Variants in PSME4 observed in about 807,000 individuals in gnomAD.
The protein encoded by PSME4 is proteasome activator subunit 4, also known as proteasome activator complex subunit 4.
In PSME4, 89 loss-of-function variants were observed where a neutral mutation model predicts 253.9. The ratio of observed to expected loss-of-function variants is 0.35; its 90% CI spans 0.30 to 0.42. The LOEUF (loss-of-function observed/expected upper bound fraction) is 0.42, where lower values mean the gene tolerates loss of function less well. Ranked by LOEUF, PSME4 falls within the 10% of genes least tolerant of loss-of-function variation. PSME4 has a pLI of 1.00. For missense variants in PSME4, 2,014 were observed against 2,195.2 expected, an observed-to-expected ratio of 0.92 and a Z score of 1.65; for synonymous variants, 851 against 759.2, an observed-to-expected ratio of 1.12 and a Z score of -1.99.
chr2:53,905,756 A>G (rs1314890665), intron 26 of PSME4, among the ~76,000 whole-genome samples: 4 of 152,162 alleles, frequency 2.6e-5, no homozygotes, highest in African/African-American at 9.7e-5. Flanking sequence ...GTTCAAGGCT[A>G]CAGTGGGCTG....
intron 22 of PSME4, 70 bp from the exon 23 acceptor site, chr2:53,908,635 G>C: frequency 6.6e-7 from 1 of 1,507,836 alleles, no homozygotes; most frequent in East Asian, 2.3e-5. Flanking sequence ...TGAGGCATTA[G>C]TCAAGAATCT....
intron 3 of PSME4, among the ~76,000 whole-genome samples, chr2:53,946,786 C>T (rs1056391450): frequency 6.6e-6 from 1 of 151,952 alleles, no homozygotes; most frequent in South Asian, 2.1e-4. Context: ...TGGTGGCACA[C>T]GCCTGTGGTC....
intron 32 of PSME4, 66 bp downstream of exon 32, chr2:53,896,738 T>C (rs1680154703): frequency 1.1e-5 from 14 of 1,231,892 alleles, no homozygotes; most frequent in African/African-American, 1.5e-5. Context: ...CTAGAATTTA[T>C]ACATGTCAAG....
intron 1 of PSME4, among the ~76,000 whole-genome samples, chr2:53,962,864 C>T (rs965351770): frequency 6.6e-5 from 10 of 151,848 alleles, no homozygotes; most frequent in Non-Finnish European, 1.0e-4. Flanking sequence ...CAGAAAAATT[C>T]GCCAGGCATG....
chr2:53,902,350 C>G (rs1680442518), intron 27 of PSME4, among the ~76,000 whole-genome samples: 1 of 152,134 alleles, frequency 6.6e-6, no homozygotes, highest in Non-Finnish European at 1.5e-5. Context: ...CACAATGATT[C>G]TGATGACAGC....
chr2:53,903,753 A>G (rs1337709074), intron 27 of PSME4, among the ~76,000 whole-genome samples: 1 of 152,194 alleles, frequency 6.6e-6, no homozygotes, highest in Non-Finnish European at 1.5e-5. Flanking sequence ...CATAATACTG[A>G]TCACAAACAG....
chr2:53,898,433 G>C (rs951563200), intron 29 of PSME4, 79 bp from the exon 30 acceptor site: 10 of 1,173,810 alleles, frequency 8.5e-6, no homozygotes, highest in Non-Finnish European at 1.2e-5. Context: ...TCAAATTCTA[G>C]CCAATTTCAC....
intron 21 of PSME4, among the ~76,000 whole-genome samples, chr2:53,909,872 G>A (rs1407455972): frequency 5.3e-5 from 8 of 152,116 alleles, no homozygotes; most frequent in African/African-American, 1.4e-4. Flanking sequence ...TGGAGCAGGA[G>A]AATCGTTTGA....
Position 53,925,777 on chromosome 2 carries a change from A to G in PSME4, c.1659-88T>C. On this transcript the variant is annotated intron_variant, in intron 13 of 46. Coordinates refer to ENST00000404125, the MANE Select transcript of PSME4 (RefSeq NM_014614.3). ...CATCAGGTAACTCTCTATTGTCCTAATTATTCAAGTGATAGCTACTTAATT... is the reference window on the plus strand; with the variant it reads ...CATCAGGTAACTCTCTATTGTCCTAGTTATTCAAGTGATAGCTACTTAATT... The G allele has an allele frequency of 2.9e-6, 4 of 1,379,428 alleles. No homozygotes were observed. In the South Asian group the frequency reaches 5.1e-5, roughly 18 times the overall value. The allele number at this position is 1,379,428 out of a possible 1,614,324, so 85.4% of individuals were successfully genotyped here.
intron 1 of PSME4, among the ~76,000 whole-genome samples, chr2:53,966,513 A>G (rs1422513291): frequency 6.6e-6 from 1 of 151,844 alleles, no homozygotes; most frequent in Non-Finnish European, 1.5e-5. Context: ...AATACAAAAA[A>G]ATTAGCCAGG....
At chr2:53,867,653 G>C (rs1481318607) in intron 44 of PSME4, among the ~76,000 whole-genome samples, 1 of 136,274 alleles carries the variant, frequency 7.3e-6, no homozygotes, top group Non-Finnish European at 1.5e-5. Context: ...GAGGGCGATA[G>C]AGGAAGACCT....
chr2:53,906,513 A>C, intron 26 of PSME4, 85 bp downstream of exon 26: 1 of 1,405,934 alleles, frequency 7.1e-7, no homozygotes, highest in East Asian at 2.5e-5. Context: ...GAAATTATTT[A>C]AACTCTCTTC....
At chr2:53,925,778 T>A in intron 13 of PSME4, 89 bp from the exon 14 acceptor site, 1 of 1,377,560 alleles carries the variant, frequency 7.3e-7, no homozygotes, top group South Asian at 1.3e-5. Flanking sequence ...ATTGTCCTAA[T>A]TATTCAAGTG....
At chr2:53,902,330 T>C (rs1233645543) in intron 27 of PSME4, among the ~76,000 whole-genome samples, 5 of 152,160 alleles carry the variant, frequency 3.3e-5, no homozygotes, top group Non-Finnish European at 5.9e-5. Flanking sequence ...CTCATAAAAG[T>C]CCAATTAACC....
Position 53,869,478 on chromosome 2 carries a change from C to A in PSME4, c.5161G>T (p.Asp1721Tyr). Residue 1721 changes from aspartate (D) to tyrosine (Y), a missense_variant, in exon 44 of 47, where the codon GAC becomes TAC. Transcript: ENST00000404125. ...TCAAAATGAATCTGCATAGGACTGT[C>A]CATGGTAAGAAAGTTACACTGTAGC... ...GLLQCNFLTM[D>Y]SPMQIHFEQL... 6.3e-7 allele frequency: 1 copy of A among 1,597,382 alleles called. No individual in the cohort carries two copies. Among genetic ancestry groups the A allele is most frequent in the Non-Finnish European group, 8.6e-7 (1 of 1,168,394 alleles).
intron 11 of PSME4, 47 bp downstream of exon 11, chr2:53,928,070 T>C: frequency 6.8e-7 from 1 of 1,471,186 alleles, no homozygotes; most frequent in South Asian, 1.3e-5. Flanking sequence ...AGAAGTTTAC[T>C]TTGCCTCCTA....
chr2:53,888,938 G>T, intron 37 of PSME4, 126 bp from the exon 38 acceptor site: 2 of 707,526 alleles, frequency 2.8e-6, no homozygotes, highest in Non-Finnish European at 4.5e-6. Context: ...AGGCTGGAGT[G>T]AAGTGGTATG....
Position 53,927,501 on chromosome 2 carries a change from G to C in PSME4, c.1504-18C>G, listed in dbSNP as rs771686453. 4.7e-6 allele frequency: 7 copies of C among 1,502,824 alleles called. No homozygotes were observed. Among genetic ancestry groups the C allele is most frequent in the Non-Finnish European group, 6.5e-6 (7 of 1,079,574 alleles). 93.1% of individuals were successfully genotyped at this position (1,502,824 alleles called of 1,614,324 possible). A position where few individuals can be genotyped will look rare whatever the true frequency, so the allele number is the denominator to read the frequency against. On this transcript the variant is annotated intron_variant, in intron 11 of 46. Transcript: ENST00000404125. ...AATGTGATCTGTGGAAACATACAAAGGATTTTCAACATTACATAATTCTAA... is the reference window on the plus strand; with the variant it reads ...AATGTGATCTGTGGAAACATACAAACGATTTTCAACATTACATAATTCTAA...
chr2:53,967,679 A>AAAAAAAAAAAG (rs1670808609), intron 1 of PSME4, among the ~76,000 whole-genome samples: 1 of 139,944 alleles, frequency 7.1e-6, no homozygotes, highest in African/African-American at 2.8e-5. Context: ...AAAAAAAAAA[A>AAAAAAAAAAAG]GTCAAAAAGA....
Sources: allele counts gnomAD v4.1 joint callset (sites outside exome capture counted in the v4.1 genomes callset), GRCh38; gene constraint gnomAD v4.1.1; transcripts MANE v1.5; gene names NCBI Gene and HGNC (gene_info 2026-07-23, HGNC 2026-07-21).